Variants in SCAF8 observed in about 807,000 individuals in gnomAD.
The protein encoded by SCAF8 is SR-related CTD associated factor 8, also known as SR-related and CTD-associated factor 8.
In SCAF8, 23 loss-of-function variants were observed where a neutral mutation model predicts 140.5. That is an observed-to-expected ratio of 0.16 (90% CI 0.12 to 0.23). SCAF8 has a LOEUF of 0.23. Among genes scored for constraint, SCAF8 ranks in the 10% least tolerant of loss-of-function variants. The pLI is 1.00. For synonymous variants in SCAF8, 575 were observed against 528.9 expected (o/e 1.09, Z -1.20); for missense variants, 1,397 against 1,555.7 (o/e 0.90, Z 1.72).
In SCAF8 at chr6:154,733,434, G is replaced by A. The variant is rs762001235; in HGVS notation, c.-467G>A. The A allele has an allele frequency of 7.2e-6, 10 of 1,397,028 alleles. No individual in the cohort carries two copies. In the Middle Eastern group the frequency reaches 6.2e-4, roughly 86 times the overall value. 86.5% of individuals were successfully genotyped at this position (1,397,028 alleles called of 1,614,324 possible). On this transcript the variant is annotated 5_prime_UTR_variant, in exon 1 of 20. Coordinates refer to ENST00000367178, the MANE Select transcript of SCAF8 (RefSeq NM_014892.5). ...GTCCGCCATATTGGATGCCGCAGCC[G>A]CTGCTGCCAGCGCTTCCTCCTCTGT...
intron 4 of SCAF8, among the ~76,000 whole-genome samples, chr6:154,790,012 C>T (rs935747433): frequency 2.0e-5 from 3 of 152,144 alleles, no homozygotes; most frequent in Non-Finnish European, 4.4e-5. Flanking sequence ...TCTGTCAGTT[C>T]TGGTGATTAA....
intron 4 of SCAF8, among the ~76,000 whole-genome samples, chr6:154,792,596 G>A (rs1777456096): frequency 6.6e-6 from 1 of 152,190 alleles, no homozygotes; most frequent in African/African-American, 2.4e-5. Flanking sequence ...CTTCAGCTAA[G>A]TGGAGCTTTC....
chr6:154,802,212 T>A (rs1777792948), intron 7 of SCAF8, 65 bp downstream of exon 7: 1 of 960,530 alleles, frequency 1.0e-6, no homozygotes, highest in East Asian at 2.9e-5. Flanking sequence ...ATCATGGATT[T>A]TAATTCTATA....
At chr6:154,734,204 G>A (rs1309332464) in intron 1 of SCAF8, among the ~76,000 whole-genome samples, 1 of 152,188 alleles carries the variant, frequency 6.6e-6, no homozygotes, top group Non-Finnish European at 1.5e-5. Context: ...GGAAAGACCC[G>A]GTTGGGCCCT....
At chr6:154,771,407 C>T (rs955670881) in intron 1 of SCAF8, among the ~76,000 whole-genome samples, 21 of 152,014 alleles carry the variant, frequency 1.4e-4, no homozygotes, top group South Asian at 2.1e-4. Flanking sequence ...TGAAAAAAGA[C>T]GACTGTGTGT....
intron 1 of SCAF8, among the ~76,000 whole-genome samples, chr6:154,761,490 C>G (rs1419247545): frequency 4.6e-5 from 7 of 152,158 alleles, no homozygotes; most frequent in Admixed American, 4.6e-4. Context: ...GAGACCCCTT[C>G]TCCAAACAAA....
At chr6:154,771,549 A>AG (rs1003109580) in intron 1 of SCAF8, among the ~76,000 whole-genome samples, 1 of 152,152 alleles carries the variant, frequency 6.6e-6, no homozygotes, top group Non-Finnish European at 1.5e-5. Flanking sequence ...GACCATTTTA[A>AG]GGGGGGTGGG....
At chr6:154,808,347 T>C (rs1777984817) in intron 10 of SCAF8, 146 bp downstream of exon 10, 2 of 846,440 alleles carry the variant, frequency 2.4e-6, no homozygotes, top group East Asian at 2.7e-5. Context: ...GCCAAGCTTG[T>C]CCAAGGCCTA....
At chr6:154,741,941 A>G (rs1333774850) in intron 1 of SCAF8, 2 of 1,520,798 alleles carry the variant, frequency 1.3e-6, no homozygotes, top group Non-Finnish European at 1.8e-6. Context: ...ATCTTTCTCT[A>G]CTCCTCTCTC....
At chr6:154,768,801 G>A (rs1776654681) in intron 1 of SCAF8, among the ~76,000 whole-genome samples, 1 of 152,088 alleles carries the variant, frequency 6.6e-6, no homozygotes. Flanking sequence ...AGTGGCTCAC[G>A]CCTGTAATCC....
intron 1 of SCAF8, among the ~76,000 whole-genome samples, chr6:154,748,795 G>A (rs1462896587): frequency 6.6e-6 from 1 of 152,182 alleles, no homozygotes; most frequent in African/African-American, 2.4e-5. Flanking sequence ...TAAAGGAGTT[G>A]TTTAGAGGCT....
intron 1 of SCAF8, among the ~76,000 whole-genome samples, chr6:154,735,009 A>G (rs2049117811): frequency 6.6e-6 from 1 of 152,096 alleles, no homozygotes; most frequent in African/African-American, 2.4e-5. Flanking sequence ...CTGTAATCCC[A>G]GCTACTTAGG....
intron 13 of SCAF8, among the ~76,000 whole-genome samples, chr6:154,816,931 C>G (rs1010484494): frequency 2.0e-5 from 3 of 152,180 alleles, no homozygotes; most frequent in Non-Finnish European, 4.4e-5. Context: ...TTGAGTTACA[C>G]AGGTGATAAA....
At chr6:154,777,264 T>C (rs375591867) in intron 2 of SCAF8, among the ~76,000 whole-genome samples, 1 of 152,186 alleles carries the variant, frequency 6.6e-6, no homozygotes, top group Non-Finnish European at 1.5e-5. Context: ...GGTATTGTTA[T>C]TGTGGCATTA....
chr6:154,776,557 G>T (rs898103858), intron 2 of SCAF8, among the ~76,000 whole-genome samples: 12 of 152,068 alleles, frequency 7.9e-5, no homozygotes, highest in Admixed American at 6.5e-4. Flanking sequence ...CACTGTCAAG[G>T]TGTCTTCCAG....
Position 154,733,694 on chromosome 6 carries a change from G to C in SCAF8, c.-207G>C. 9 of 1,287,638 alleles carry C rather than the reference G, an allele frequency of 7.0e-6. No individual in the cohort carries two copies. The highest frequency in any genetic ancestry group is 8.6e-5 in the Admixed American group (2 of 23,174). The allele number at this position is 1,287,638 out of a possible 1,614,324, so 79.8% of individuals were successfully genotyped here. ...CTAGAACGGCGCTCCCCCCGCCCTA[G>C]CGGCCATGCCGGTGCCGCTCTGCCG... On this transcript the variant is annotated 5_prime_UTR_variant, in exon 1 of 20. Transcript: ENST00000367178.
intron 18 of SCAF8, 49 bp from the exon 19 acceptor site, chr6:154,830,873 A>G: frequency 2.1e-6 from 3 of 1,426,992 alleles, no homozygotes; most frequent in Non-Finnish European, 3.0e-6. Flanking sequence ...AACTTAGCAC[A>G]TGAATTGACT....
At position 154,801,956 on chromosome 6, in the gene SCAF8, T is replaced by C; in HGVS notation, c.607-15T>C. 1 of 1,547,194 alleles carries C rather than the reference T, an allele frequency of 6.5e-7. No homozygotes were observed. The highest frequency in any genetic ancestry group is 1.2e-5 in the South Asian group (1 of 80,590). On this transcript the variant is annotated splice_polypyrimidine_tract_variant and intron_variant, in intron 6 of 19. Transcript: ENST00000367178. ...CCCAACACCTGTTTTGTAATATATA[T>C]TTTTTTCTCTCCAGCTTCAACAATT...
intron 3 of SCAF8, among the ~76,000 whole-genome samples, chr6:154,784,127 A>ATC (rs1207604480): frequency 8.6e-5 from 5 of 58,290 alleles, no homozygotes; most frequent in Admixed American, 7.6e-4. Context: ...TGAGATATAT[A>ATC]TATATATATA....
Sources: allele counts gnomAD v4.1 joint callset (sites outside exome capture counted in the v4.1 genomes callset), GRCh38; gene constraint gnomAD v4.1.1; transcripts MANE v1.5; gene names NCBI Gene and HGNC (gene_info 2026-07-23, HGNC 2026-07-21).